Variants in SPTBN4 observed in about 807,000 individuals in gnomAD.
SPTBN4 encodes spectrin beta, non-erythrocytic 4, also known as spectrin beta chain, non-erythrocytic 4.
A neutral mutation model predicts 277.8 loss-of-function variants in SPTBN4; 96 were observed. The ratio of observed to expected loss-of-function variants is 0.35; its 90% CI spans 0.29 to 0.41. The LOEUF is 0.41. SPTBN4 is among the 10% of genes least tolerant of loss of function. The pLI is 1.00. For synonymous variants in SPTBN4, 1,481 were observed against 1,580.3 expected (o/e 0.94, Z 1.49); for missense variants, 3,006 against 3,595.7 (o/e 0.84, Z 4.19).
chr19:40,479,857 G>A (rs572725768), intron 2 of SPTBN4, among the ~76,000 whole-genome samples: 29 of 151,098 alleles, frequency 1.9e-4, no homozygotes, highest in African/African-American at 6.1e-4. Context: ...ATCCGAGTGC[G>A]TTGGGAAACT....
chr19:40,560,805 G>T lies in SPTBN4; in HGVS notation c.5915+402G>T. 2.8e-6 allele frequency: 3 copies of T among 1,064,162 alleles called. No individual in the cohort carries two copies. The highest frequency in any genetic ancestry group is 2.3e-6 in the Non-Finnish European group (2 of 851,382). 65.9% of individuals were successfully genotyped at this position (1,064,162 alleles called of 1,614,324 possible). On this transcript the variant is annotated intron_variant, in intron 27 of 35. Transcript: ENST00000598249. This position sits in a 1 kb window ranked among gnomAD's most constrained non-coding sequence, Gnocchi z 5.2. ...TGGGCTTATTGCTCACATAGTGGTTGGATGTGAGTGTCCAGCAGAATCCTG... is the reference window on the plus strand; with the variant it reads ...TGGGCTTATTGCTCACATAGTGGTTTGATGTGAGTGTCCAGCAGAATCCTG...
chr19:40,509,770 C>A (rs1270524452), intron 13 of SPTBN4, among the ~76,000 whole-genome samples: 1 of 152,164 alleles, frequency 6.6e-6, no homozygotes, highest in Admixed American at 6.5e-5. Flanking sequence ...AAAGGAAGAA[C>A]CTGTCTGGCT....
rs1203906682 is a variant in SPTBN4 at position 40,512,691 on chromosome 19, G to C, written c.1902G>C (p.Ala634=). 1.3e-6 allele frequency: 2 copies of C among 1,528,274 alleles called. No individual in the cohort carries two copies. Among genetic ancestry groups the C allele is most frequent in the South Asian group, 2.4e-5 (2 of 83,932 alleles). 94.7% of individuals were successfully genotyped at this position (1,528,274 alleles called of 1,614,324 possible). Residue 634 remains alanine, a synonymous_variant, in exon 14 of 36, where the codon GCG becomes GCC. Coordinates refer to ENST00000598249, the MANE Select transcript of SPTBN4 (RefSeq NM_020971.3). ...GCLAELQEQA[A]RRRAELEASR... ...TGGCGGAGCTGCAGGAGCAGGCAGCGCGGCGACGCGCGGAGCTGGAGGCTT... is the reference window on the plus strand; with the variant it reads ...TGGCGGAGCTGCAGGAGCAGGCAGCCCGGCGACGCGCGGAGCTGGAGGCTT...
At chr19:40,472,366 G>A (rs2079894873) in intron 1 of SPTBN4, among the ~76,000 whole-genome samples, 1 of 149,416 alleles carries the variant, frequency 6.7e-6, no homozygotes, top group South Asian at 2.1e-4. Flanking sequence ...TTATAGAGAT[G>A]AAATCTTGCT....
intron 13 of SPTBN4, among the ~76,000 whole-genome samples, chr19:40,508,216 G>A (rs2080351422): frequency 6.6e-6 from 1 of 152,176 alleles, no homozygotes; most frequent in Non-Finnish European, 1.5e-5. Context: ...TACCAGATAT[G>A]GATGGGACAT....
At chr19:40,545,360 C>T (rs1355451235) in intron 20 of SPTBN4, among the ~76,000 whole-genome samples, 1 of 152,066 alleles carries the variant, frequency 6.6e-6, no homozygotes, top group Non-Finnish European at 1.5e-5. Flanking sequence ...TCCCAAAGTG[C>T]TGGGATTACA....
chr19:40,566,988 A>AC, intron 30 of SPTBN4: 2 of 273,606 alleles, frequency 7.3e-6, no homozygotes, highest in Admixed American at 4.5e-5. Flanking sequence ...AAAAAACAAC[A>AC]AAAAAAAACC....
chr19:40,529,200 A>C, intron 18 of SPTBN4, 69 bp downstream of exon 18: 62 of 998,994 alleles, frequency 6.2e-5, no homozygotes, highest in Non-Finnish European at 8.8e-5. Flanking sequence ...TTCTCGGCCG[A>C]GGTGGGGGTG....
intron 4 of SPTBN4, 113 bp from the exon 5 acceptor site, chr19:40,492,850 C>A: frequency 1.2e-6 from 1 of 842,814 alleles, no homozygotes. Flanking sequence ...CAGAAGCTGC[C>A]TCCCCCATCT....
intron 14 of SPTBN4, among the ~76,000 whole-genome samples, chr19:40,514,450 T>G (rs1311478916): frequency 6.6e-6 from 1 of 152,080 alleles, no homozygotes; most frequent in African/African-American, 2.4e-5. Context: ...GGAACAAGAT[T>G]AGACCAGGGC....
intron 2 of SPTBN4, among the ~76,000 whole-genome samples, chr19:40,484,664 A>C (rs2080048742): frequency 6.6e-6 from 1 of 152,044 alleles, no homozygotes; most frequent in Non-Finnish European, 1.5e-5. Flanking sequence ...GAGGTGGCTC[A>C]CGCCTGTAAT....
intron 6 of SPTBN4, among the ~76,000 whole-genome samples, chr19:40,495,250 C>A (rs887098720): frequency 6.6e-6 from 1 of 152,182 alleles, no homozygotes; most frequent in Non-Finnish European, 1.5e-5. Flanking sequence ...TACACACACA[C>A]AGATACCCAC....
intron 15 of SPTBN4, among the ~76,000 whole-genome samples, chr19:40,517,101 G>A (rs906931008): frequency 2.6e-5 from 4 of 152,100 alleles, no homozygotes; most frequent in Non-Finnish European, 5.9e-5. Flanking sequence ...GCTGAATCCT[G>A]AGCTGTAGCT....
chr19:40,497,530 C>T lies in SPTBN4; in HGVS notation c.710C>T (p.Ala237Val). The change falls in exon 7 of 36, where the codon GCC (alanine) becomes GTC (valine). Residue 237 changes from alanine to valine, a missense_variant. Around this residue, in one of 5 missense-constraint regions of SPTBN4, gnomAD observed 1,759 missense variants for 2,061.5 expected, o/e 0.85. Transcript: ENST00000598249. ...VDFSKLTKSN[A>V]NYNLQRAFRT... ...TTCAGCAAACTCACCAAGTCCAATG[C>T]CAACTACAACCTGCAGAGAGCCTTC... is the stretch of plus-strand genomic sequence containing the variant. 3 of 1,614,170 alleles carry T rather than the reference C, an allele frequency of 1.9e-6. No individual in the cohort carries two copies. The highest frequency in any genetic ancestry group is 2.5e-6 in the Non-Finnish European group (3 of 1,180,036).
rs2080267042 is a variant in SPTBN4 at position 40,501,907 on chromosome 19, C to T, written c.785-14C>T. 1 of 1,612,214 alleles carries T rather than the reference C, an allele frequency of 6.2e-7. No homozygotes were observed. Among genetic ancestry groups the T allele is most frequent in the African/African-American group, 1.3e-5 (1 of 74,862 alleles). ...TGCCCACTGTCTTGTTTCCCCACTC[C>T]CTCTTGCTTCCAGATGTGAACATGG... On this transcript the variant is annotated splice_polypyrimidine_tract_variant and intron_variant, in intron 7 of 35. Transcript: ENST00000598249.
chr19:40,472,296 C>T (rs2079894046), intron 1 of SPTBN4, among the ~76,000 whole-genome samples: 1 of 152,044 alleles, frequency 6.6e-6, no homozygotes, highest in South Asian at 2.1e-4. Context: ...CCGCCCTCCT[C>T]AGCCTCTCAA....
intron 2 of SPTBN4, among the ~76,000 whole-genome samples, chr19:40,475,699 C>T (rs1389389538): frequency 6.8e-6 from 1 of 146,596 alleles, no homozygotes; most frequent in East Asian, 2.2e-4. Context: ...TGGGCTCGGG[C>T]AATCTGCCCA....
chr19:40,504,148 C>CCCCCCCCCCCA lies in SPTBN4; in HGVS notation c.1665+16_1665+17insCCCCCCCCCCA. The CCCCCCCCCCCA allele has an allele frequency of 1.5e-6, 1 of 645,746 alleles. No homozygotes were observed. The highest frequency in any genetic ancestry group is 2.1e-6 in the Non-Finnish European group (1 of 471,372). 40.0% of individuals were successfully genotyped at this position (645,746 alleles called of 1,614,324 possible). The stretch of plus-strand genomic sequence containing the variant: ...GGAGATGCAGGTGCCGGCGGGGGGG[C>CCCCCCCCCCCA]GGGGATGCGGGTGGAGTGCCAGGAG... On this transcript the variant is annotated intron_variant, in intron 12 of 35. Coordinates refer to ENST00000598249, the MANE Select transcript of SPTBN4 (RefSeq NM_020971.3).
chr19:40,491,255 T>C (rs1369759625), intron 4 of SPTBN4, among the ~76,000 whole-genome samples: 1 of 152,014 alleles, frequency 6.6e-6, no homozygotes, highest in Non-Finnish European at 1.5e-5. Flanking sequence ...GAAATGAGCT[T>C]GGCCTGTTGG....
Sources: gnomAD v4.1 joint callset for allele counts (sites outside exome capture counted in the v4.1 genomes callset) on GRCh38, gnomAD v4.1.1 for gene constraint, gnomAD v4.1.1 regional missense constraint, Gnocchi (gnomAD v3.1) non-coding constraint, MANE v1.5 for transcripts, NCBI Gene and HGNC (gene_info 2026-07-23, HGNC 2026-07-21) for gene names.